The following EXOC2 variants were observed in gnomAD, a reference collection of about 807,000 sequenced individuals.
EXOC2 encodes the protein exocyst complex component 2, also known as SEC5-like 1.
A neutral mutation model predicts 131.8 loss-of-function variants in EXOC2; 70 were observed. That is an observed-to-expected ratio of 0.53 (90% confidence interval 0.44 to 0.65). The LOEUF (loss-of-function observed/expected upper bound fraction) is 0.65. Ranked by LOEUF, EXOC2 falls within the 30% of genes least tolerant of loss-of-function variation. The pLI, the probability that EXOC2 is intolerant of heterozygous loss-of-function variation, is 0.00. For missense variants in EXOC2, 923 were observed against 1,108.6 expected (o/e 0.83, Z 2.38); for synonymous variants, 411 against 398.4 (o/e 1.03, Z -0.38).
Position 542,413 on chromosome 6 carries a change from C to A in EXOC2, c.2238+6762G>T, listed in dbSNP as rs143936437. On this transcript the variant is annotated intron_variant, in intron 22 of 27. Coordinates refer to ENST00000230449, the MANE Select transcript of EXOC2 (RefSeq NM_018303.6). Reference sequence around the variant, plus strand: ...GCATCAAAGGAGAAAGAGGACGGTACGGTGCACCTTGCACTTCGGGAATGG... The same window carrying A: ...GCATCAAAGGAGAAAGAGGACGGTAAGGTGCACCTTGCACTTCGGGAATGG... Among the ~76,000 whole-genome samples the A allele has an allele frequency of 5.5e-3, 830 of 152,240 alleles. 10 individuals are homozygous for A. The highest frequency in any genetic ancestry group is 0.019 in the African/African-American group (787 of 41,536).
chr6:537,423 CAT>C (rs1171807704), intron 22 of EXOC2, among the ~76,000 whole-genome samples: 4 of 150,758 alleles, frequency 2.7e-5, no homozygotes, highest in South Asian at 2.1e-4. Context: ...GGAGCGTACA[CAT>C]GAGGTGACGG....
intron 27 of EXOC2, among the ~76,000 whole-genome samples, 191 bp downstream of exon 27, chr6:488,787 AG>A (rs754670350): frequency 3.9e-5 from 6 of 152,238 alleles, no homozygotes; most frequent in Non-Finnish European, 1.5e-5. Context: ...TCTGTCACTC[AG>A]AAGACATGCA....
intron 1 of EXOC2, among the ~76,000 whole-genome samples, chr6:690,530 C>T (rs981594344): frequency 1.3e-5 from 2 of 151,998 alleles, no homozygotes; most frequent in Admixed American, 6.6e-5. Context: ...GGTGAAACCC[C>T]GTCTCTACTA....
chr6:595,722 C>T (rs968437863), intron 10 of EXOC2, among the ~76,000 whole-genome samples: 1 of 151,934 alleles, frequency 6.6e-6, no homozygotes, highest in Non-Finnish European at 1.5e-5. Flanking sequence ...GTAAACAGGC[C>T]AGAAATATAC....
intron 20 of EXOC2, among the ~76,000 whole-genome samples, chr6:554,861 C>A (rs1757336373): frequency 6.6e-6 from 1 of 152,214 alleles, no homozygotes; most frequent in African/African-American, 2.4e-5. Context: ...CATAATTCTA[C>A]CAACATGCTT....
chr6:684,931 G>A (rs962525528), intron 1 of EXOC2, among the ~76,000 whole-genome samples: 3 of 152,074 alleles, frequency 2.0e-5, no homozygotes, highest in African/African-American at 4.8e-5. Flanking sequence ...GAGTGATCAC[G>A]GTCTCACCTT....
At chr6:617,958 C>A in intron 5 of EXOC2, 123 bp from the exon 6 acceptor site, 2 of 1,113,730 alleles carry the variant, frequency 1.8e-6, no homozygotes, top group South Asian at 2.3e-5. Context: ...AGATTAATAT[C>A]ATACGAAGCC....
At chr6:495,258 T>A (rs576445029) in intron 25 of EXOC2, among the ~76,000 whole-genome samples, 1 of 152,122 alleles carries the variant, frequency 6.6e-6, no homozygotes, top group African/African-American at 2.4e-5. Flanking sequence ...CCCGAGTAGC[T>A]GGGACTACAG....
chr6:511,371 A>C (rs1230451230), intron 23 of EXOC2, among the ~76,000 whole-genome samples: 1 of 152,240 alleles, frequency 6.6e-6, no homozygotes, highest in Non-Finnish European at 1.5e-5. Context: ...AATTAAAAAC[A>C]ATTTTGAGTC....
chr6:539,385 T>A (rs1440233014), intron 22 of EXOC2, among the ~76,000 whole-genome samples: 1 of 152,196 alleles, frequency 6.6e-6, no homozygotes, highest in African/African-American at 2.4e-5. Context: ...AACATTTCCA[T>A]CTCACGCACC....
At chr6:616,375 G>A (rs969467519) in intron 6 of EXOC2, among the ~76,000 whole-genome samples, 6 of 151,790 alleles carry the variant, frequency 4.0e-5, no homozygotes, top group African/African-American at 1.2e-4. Context: ...AGGCCGAGGC[G>A]GGCGGATCAC....
chr6:604,758 G>A (rs554349309), intron 7 of EXOC2, among the ~76,000 whole-genome samples: 1 of 145,522 alleles, frequency 6.9e-6, no homozygotes, highest in Non-Finnish European at 1.5e-5. Flanking sequence ...GCCACCCACC[G>A]CTGGCCTCTG....
At chr6:666,151 C>T (rs1361640998) in intron 1 of EXOC2, among the ~76,000 whole-genome samples, 1 of 152,050 alleles carries the variant, frequency 6.6e-6, no homozygotes, top group Non-Finnish European at 1.5e-5. Context: ...GTGTGCCAAT[C>T]CGTTAGGTGA....
chr6:617,878 GC>G (rs1173849886), intron 5 of EXOC2, 43 bp from the exon 6 acceptor site: 33 of 1,588,600 alleles, frequency 2.1e-5, no homozygotes, highest in Non-Finnish European at 2.8e-5. Context: ...CTTCTAACAT[GC>G]AAGAAAGAAA....
intron 2 of EXOC2, among the ~76,000 whole-genome samples, chr6:634,534 A>G (rs2127710839): frequency 6.6e-6 from 1 of 152,338 alleles, no homozygotes; most frequent in African/African-American, 2.4e-5. Context: ...GCACAAAGTC[A>G]AATCATCTTT....
At chr6:526,432 ATTTTTTTTTTTTT>A (rs70985804) in intron 23 of EXOC2, among the ~76,000 whole-genome samples, 1,131 of 76,064 alleles carry the variant, frequency 0.015, 16 homozygotes, top group Middle Eastern at 0.03. Context: ...TTCTTTGTGG[ATTTTTTTTTTTTT>A]TTTTTTTTTT....
intron 1 of EXOC2, among the ~76,000 whole-genome samples, chr6:673,319 CA>C (rs1763963938): frequency 2.7e-5 from 3 of 109,766 alleles, no homozygotes; most frequent in Non-Finnish European, 3.9e-5. Context: ...AAAAAGATAA[CA>C]ATACAATTGT....
chr6:558,651 A>T (rs1757547015), intron 17 of EXOC2, among the ~76,000 whole-genome samples: 1 of 151,966 alleles, frequency 6.6e-6, no homozygotes, highest in African/African-American at 2.4e-5. Flanking sequence ...ATCTCTACTA[A>T]AAATACAAAA....
intron 23 of EXOC2, among the ~76,000 whole-genome samples, chr6:527,002 A>G (rs1393344052): frequency 6.6e-6 from 1 of 152,260 alleles, no homozygotes; most frequent in African/African-American, 2.4e-5. Flanking sequence ...CATGGTATAT[A>G]TGCAATAAAT....
Sources: allele counts gnomAD v4.1 joint callset (sites outside exome capture counted in the v4.1 genomes callset), GRCh38; gene constraint gnomAD v4.1.1; transcripts MANE v1.5; gene names NCBI Gene and HGNC (gene_info 2026-07-23, HGNC 2026-07-21).